Variants in AKT3 observed in about 807,000 individuals in gnomAD.
AKT3 encodes the protein RAC-gamma serine/threonine-protein kinase.
In AKT3, 15 loss-of-function variants were observed where a neutral mutation model predicts 65.3. The ratio of observed to expected loss-of-function variants is 0.23; its 90% CI spans 0.15 to 0.35. The LOEUF is 0.35. Ranked by LOEUF, AKT3 falls within the 10% of genes least tolerant of loss-of-function variation. The probability of loss-of-function intolerance (pLI) is 1.00; values close to 1 mark genes in which losing one functional copy is unlikely to be tolerated. For synonymous variants in AKT3, 206 were observed against 183.8 expected (o/e 1.12, Z -0.98); for missense variants, 243 against 576.5 (o/e 0.42, Z 5.92).
intron 6 of AKT3, among the ~76,000 whole-genome samples, chr1:243,635,363 C>T (rs957968298): frequency 6.6e-6 from 1 of 151,220 alleles, no homozygotes; most frequent in African/African-American, 2.4e-5. Context: ...AACTTTATAA[C>T]TTAAGGAACT....
At chr1:243,676,646 T>C (rs1683539334) in intron 3 of AKT3, among the ~76,000 whole-genome samples, 1 of 152,224 alleles carries the variant, frequency 6.6e-6, no homozygotes, top group African/African-American at 2.4e-5. Context: ...GTACAGTTTT[T>C]CTATTTTATT....
chr1:243,563,012 C>T (rs1558617355), intron 10 of AKT3, among the ~76,000 whole-genome samples: 1 of 152,088 alleles, frequency 6.6e-6, no homozygotes, highest in Non-Finnish European at 1.5e-5. Context: ...TTTAATCTTG[C>T]TTTTTTGTTT....
chr1:243,573,261 C>A (rs1176869360), intron 8 of AKT3, among the ~76,000 whole-genome samples: 1 of 152,106 alleles, frequency 6.6e-6, no homozygotes, highest in Non-Finnish European at 1.5e-5. Flanking sequence ...AATCAATATA[C>A]CAATCTTGTT....
upstream of AKT3, among the ~76,000 whole-genome samples, chr1:243,850,382 G>T (rs1056223707): frequency 6.6e-5 from 10 of 151,346 alleles, no homozygotes; most frequent in African/African-American, 2.4e-4. Context: ...CTCTACATGG[G>T]AATCGGATAT....
At chr1:243,704,368 C>G (rs1440405677) in intron 2 of AKT3, among the ~76,000 whole-genome samples, 2 of 152,024 alleles carry the variant, frequency 1.3e-5, no homozygotes, top group Non-Finnish European at 2.9e-5. Flanking sequence ...AAGCATAGTC[C>G]CAGCCCTCGT....
intron 3 of AKT3, among the ~76,000 whole-genome samples, chr1:243,694,085 G>T (rs1195666628): frequency 6.6e-6 from 1 of 152,092 alleles, no homozygotes; most frequent in Non-Finnish European, 1.5e-5. Flanking sequence ...ACTCGTTGGG[G>T]TGTGAAATTT....
At chr1:243,632,365 T>C (rs190217757) in intron 6 of AKT3, among the ~76,000 whole-genome samples, 2 of 152,308 alleles carry the variant, frequency 1.3e-5, no homozygotes, top group East Asian at 1.9e-4. Flanking sequence ...TGGTGCATTG[T>C]CAATGAGCAG....
intron 6 of AKT3, among the ~76,000 whole-genome samples, chr1:243,623,054 G>A (rs1415320597): frequency 6.6e-6 from 1 of 152,202 alleles, no homozygotes; most frequent in Non-Finnish European, 1.5e-5. Context: ...CCTGGGAAAT[G>A]AATTCTGAGC....
intron 12 of AKT3, among the ~76,000 whole-genome samples, chr1:243,528,238 C>A (rs899904057): frequency 1.3e-5 from 2 of 152,168 alleles, no homozygotes; most frequent in Admixed American, 1.3e-4. Context: ...CCTTTTGGAT[C>A]ATTCCTGAGT....
intron 2 of AKT3, among the ~76,000 whole-genome samples, chr1:243,783,285 A>G (rs1691028866): frequency 6.6e-6 from 1 of 152,188 alleles, no homozygotes; most frequent in Admixed American, 6.5e-5. Context: ...AGGAGCTAGA[A>G]ATGGAGTTGA....
intron 4 of AKT3, among the ~76,000 whole-genome samples, chr1:243,655,708 T>C (rs917986729): frequency 2.0e-5 from 3 of 152,208 alleles, no homozygotes; most frequent in African/African-American, 7.2e-5. Context: ...ATTTCCAGTT[T>C]ACTCTTTCTT....
intron 12 of AKT3, among the ~76,000 whole-genome samples, chr1:243,527,079 A>G (rs1229419878): frequency 6.6e-6 from 1 of 152,196 alleles, no homozygotes; most frequent in Non-Finnish European, 1.5e-5. Flanking sequence ...TATGAAGATT[A>G]ATCTTCAAAC....
At chr1:243,525,153 A>G (rs527493965) in intron 12 of AKT3, among the ~76,000 whole-genome samples, 82 of 152,326 alleles carry the variant, frequency 5.4e-4, no homozygotes, top group Non-Finnish European at 1.0e-3. Context: ...ACACATGCAC[A>G]GGGCAGGCTC....
At chr1:243,511,608 A>T (rs1432194027) in intron 13 of AKT3, among the ~76,000 whole-genome samples, 1 of 152,228 alleles carries the variant, frequency 6.6e-6, no homozygotes, top group Non-Finnish European at 1.5e-5. Flanking sequence ...ATTGCCCTGA[A>T]ACGCAATCTT....
chr1:243,488,454 TG>T (rs1352561770), intron 13 of AKT3: 1 of 167,802 alleles, frequency 6.0e-6, no homozygotes, highest in Non-Finnish European at 1.3e-5. Flanking sequence ...AAGCCGACTG[TG>T]GACAGATGAG....
intron 2 of AKT3, among the ~76,000 whole-genome samples, chr1:243,799,564 G>A (rs1024753874): frequency 6.6e-6 from 1 of 152,148 alleles, no homozygotes; most frequent in African/African-American, 2.4e-5. Flanking sequence ...AGGGGTAGGG[G>A]ATGATAAAGA....
downstream of AKT3, among the ~76,000 whole-genome samples, chr1:243,496,316 G>A (rs1667864909): frequency 6.6e-6 from 1 of 152,204 alleles, no homozygotes; most frequent in Admixed American, 6.5e-5. Flanking sequence ...CCCTGGCCCC[G>A]GTGCCCAGAA....
At chr1:243,843,095 C>A in intron 2 of AKT3, 30 bp downstream of exon 2, 2 of 1,611,742 alleles carry the variant, frequency 1.2e-6, no homozygotes, top group Non-Finnish European at 8.5e-7. Flanking sequence ...TCTTACCAAC[C>A]GTATTATTTT....
chr1:243,731,210 A>AT (rs919866477), intron 2 of AKT3, among the ~76,000 whole-genome samples: 4 of 152,200 alleles, frequency 2.6e-5, no homozygotes, highest in Admixed American at 1.3e-4. Flanking sequence ...GAAAGCAAAA[A>AT]ATATATATAA....
Sources: gnomAD v4.1 joint callset for allele counts (sites outside exome capture counted in the v4.1 genomes callset) on GRCh38, gnomAD v4.1.1 for gene constraint, MANE v1.5 for transcripts, NCBI Gene and HGNC (gene_info 2026-07-23, HGNC 2026-07-21) for gene names.